The following GABRB3 variants were observed in gnomAD, a reference collection of about 807,000 sequenced individuals.
The protein encoded by GABRB3 is gamma-aminobutyric acid receptor subunit beta-3.
A neutral mutation model predicts 52.1 loss-of-function variants in GABRB3; 14 were observed. The ratio of observed to expected loss-of-function variants is 0.27; its 90% CI spans 0.18 to 0.42. The LOEUF (loss-of-function observed/expected upper bound fraction) is 0.42, where lower values mean the gene tolerates loss of function less well. Ranked by LOEUF, GABRB3 falls within the 10% of genes least tolerant of loss-of-function variation. The pLI is 1.00. For missense variants in GABRB3, 307 were observed against 609.1 expected (o/e 0.50, Z 5.22); for synonymous variants, 260 against 232.3 (o/e 1.12, Z -1.08).
chr15:26,695,224 A>C (rs1334429153), intron 3 of GABRB3, among the ~76,000 whole-genome samples: 2 of 152,190 alleles, frequency 1.3e-5, no homozygotes, highest in Non-Finnish European at 2.9e-5. Flanking sequence ...TATCATATTC[A>C]AACTGCAGAA....
chr15:26,717,394 T>C (rs1204319851), intron 3 of GABRB3, among the ~76,000 whole-genome samples: 2 of 152,188 alleles, frequency 1.3e-5, no homozygotes, highest in Admixed American at 6.5e-5. Context: ...TCTAATGACA[T>C]TGCTCTCCAG....
intron 3 of GABRB3, among the ~76,000 whole-genome samples, chr15:26,664,147 C>A (rs932249551): frequency 1.3e-5 from 2 of 152,136 alleles, no homozygotes; most frequent in Non-Finnish European, 2.9e-5. Flanking sequence ...TGGACTCAAG[C>A]GACCCTCACC....
At chr15:26,641,295 C>T (rs4281679) in intron 3 of GABRB3, among the ~76,000 whole-genome samples, 21,808 of 152,226 alleles carry the variant, frequency 0.14, 2,494 homozygotes, top group East Asian at 0.69. Context: ...CTGCATGCTA[C>T]GACTTCCCAG....
chr15:26,547,248 C>T lies in GABRB3; in HGVS notation c.*545G>A. The T allele has an allele frequency of 3.1e-6, 1 of 322,810 alleles. No homozygotes were observed. The highest frequency in any genetic ancestry group is 5.6e-6 in the Non-Finnish European group (1 of 178,834). The allele number at this position is 322,810 out of a possible 1,614,324, so 20.0% of individuals were successfully genotyped here. Reference sequence around the variant, plus strand: ...CCCCATCACCAGAGAAGCCAAGAAGCCTTTGCTTACTAAACTGAACGAGAG... The same window carrying T: ...CCCCATCACCAGAGAAGCCAAGAAGTCTTTGCTTACTAAACTGAACGAGAG... On this transcript the variant is annotated 3_prime_UTR_variant, in exon 9 of 9. Coordinates refer to ENST00000311550, the MANE Select transcript of GABRB3 (RefSeq NM_000814.6).
intron 3 of GABRB3, among the ~76,000 whole-genome samples, chr15:26,730,493 C>T (rs192310912): frequency 1.3e-5 from 2 of 151,940 alleles, no homozygotes; most frequent in African/African-American, 2.4e-5. Context: ...CACCACCCCC[C>T]GTGCGGATGA....
intron 4 of GABRB3, among the ~76,000 whole-genome samples, chr15:26,603,894 T>G (rs929106844): frequency 2.6e-5 from 4 of 152,146 alleles, no homozygotes; most frequent in African/African-American, 9.6e-5. Context: ...TCACCACTGG[T>G]GTTCAACATA....
At chr15:26,559,915 T>C (rs1009556392) in intron 8 of GABRB3, among the ~76,000 whole-genome samples, 5 of 152,230 alleles carry the variant, frequency 3.3e-5, no homozygotes, top group Admixed American at 6.5e-5. Flanking sequence ...GCCTTGTGCA[T>C]TCCTTTTGGA....
At chr15:26,615,966 A>G in intron 4 of GABRB3, 3 of 1,289,136 alleles carry the variant, frequency 2.3e-6, no homozygotes, top group Non-Finnish European at 3.0e-6. Context: ...GAACAGCAGG[A>G]ACAACCCCAG....
At chr15:26,678,563 TGA>T (rs541862935) in intron 3 of GABRB3, among the ~76,000 whole-genome samples, 14 of 132,686 alleles carry the variant, frequency 1.1e-4, no homozygotes, top group South Asian at 2.5e-4. Flanking sequence ...AGAATGAGAG[TGA>T]GAGAGAGAGA....
chr15:26,689,569 T>C (rs371465658), intron 3 of GABRB3, among the ~76,000 whole-genome samples: 367 of 152,248 alleles, frequency 2.4e-3, no homozygotes, highest in Non-Finnish European at 3.4e-3. Flanking sequence ...TTGGGACCCA[T>C]GTTCAAAAAC....
At chr15:26,645,115 C>A (rs970581184) in intron 3 of GABRB3, among the ~76,000 whole-genome samples, 3 of 152,042 alleles carry the variant, frequency 2.0e-5, no homozygotes, top group Non-Finnish European at 4.4e-5. Flanking sequence ...TGGTGGTGTG[C>A]GCCTGTAGTC....
chr15:26,688,224 C>T (rs746515707), intron 3 of GABRB3, among the ~76,000 whole-genome samples: 1 of 152,116 alleles, frequency 6.6e-6, no homozygotes, highest in Admixed American at 6.5e-5. Flanking sequence ...CTGTGCTGGG[C>T]ACAGCACAAA....
rs185943557 is a variant in GABRB3 at position 26,664,924 on chromosome 15, T to G, written c.241-43390A>C. Among the ~76,000 whole-genome samples the G allele has an allele frequency of 2.9e-3, 448 of 152,076 alleles. 6 individuals carry two copies. The highest frequency in any genetic ancestry group is 0.01 in the African/African-American group (425 of 41,506). ...CGTGTTGGTCAGGCTGGTCTCAAAC[T>G]CCCGACCTCAGGTGATCCACCCACC... On this transcript the variant is annotated intron_variant, in intron 3 of 8. Coordinates refer to ENST00000311550, the MANE Select transcript of GABRB3 (RefSeq NM_000814.6).
At chr15:26,626,732 G>C (rs1282231931) in intron 3 of GABRB3, among the ~76,000 whole-genome samples, 1 of 152,216 alleles carries the variant, frequency 6.6e-6, no homozygotes, top group Non-Finnish European at 1.5e-5. Context: ...CAGAAGAAAA[G>C]TTAGAAGATA....
rs1889437894 is a variant in GABRB3, at chr15:26,550,890, CA to C, written c.1081-2757del. ...TGTGGTAATCTGTTACAGTGGCAAT[CA>C]AAACTACTATAGGAGGTGAGAGGGA... On this transcript the variant is annotated intron_variant, in intron 8 of 8. Transcript: ENST00000311550. Among the ~76,000 whole-genome samples, 5 of 152,204 alleles carry C rather than the reference CA, an allele frequency of 3.3e-5. No homozygotes were observed. The South Asian group carries it at 1.0e-3, about 31-fold the overall frequency.
At chr15:26,752,247 T>C (rs868129110) in intron 3 of GABRB3, among the ~76,000 whole-genome samples, 1 of 146,844 alleles carries the variant, frequency 6.8e-6, no homozygotes, top group African/African-American at 2.6e-5. Flanking sequence ...ATTTATTTAT[T>C]TATTTATTTA....
At position 26,545,477 on chromosome 15, in the gene GABRB3, GAATT is replaced by G. The variant is rs1187851568; in HGVS notation, c.*2312_*2315del. The G allele has an allele frequency of 2.6e-5, 4 of 152,508 alleles. No individual in the cohort carries two copies. The highest frequency in any genetic ancestry group is 9.7e-5 in the African/African-American group (4 of 41,398). 9.4% of individuals were successfully genotyped at this position (152,508 alleles called of 1,614,324 possible). A position where few individuals can be genotyped will look rare whatever the true frequency, so the allele number is the denominator to read the frequency against. ...TTTTAAATCACTTTTCTCCCAGAAAGAATTAATGTCACAGTTCTGAATAGTATAA... is the reference window on the plus strand; with the variant it reads ...TTTTAAATCACTTTTCTCCCAGAAAGAATGTCACAGTTCTGAATAGTATAA... On this transcript the variant is annotated 3_prime_UTR_variant, in exon 9 of 9. Coordinates refer to ENST00000311550, the MANE Select transcript of GABRB3 (RefSeq NM_000814.6).
chr15:26,651,585 A>T (rs1887198963), intron 3 of GABRB3, among the ~76,000 whole-genome samples: 1 of 152,252 alleles, frequency 6.6e-6, no homozygotes, highest in African/African-American at 2.4e-5. Flanking sequence ...AAGATCAGAA[A>T]GGGAAATAAT....
intron 4 of GABRB3, chr15:26,615,902 T>G: frequency 7.8e-7 from 1 of 1,275,274 alleles, no homozygotes; most frequent in Non-Finnish European, 1.0e-6. Flanking sequence ...ACATAATCAG[T>G]AGGAAAGCAA....
Sources: gnomAD v4.1 joint callset for allele counts (sites outside exome capture counted in the v4.1 genomes callset) on GRCh38, gnomAD v4.1.1 for gene constraint, MANE v1.5 for transcripts, NCBI Gene and HGNC (gene_info 2026-07-23, HGNC 2026-07-21) for gene names.